The following ADRA1B variants were observed in gnomAD, a reference collection of about 807,000 sequenced individuals.
ADRA1B encodes the protein alpha-1B adrenergic receptor.
A neutral mutation model predicts 17.9 loss-of-function variants in ADRA1B; 17 were observed. The ratio of observed to expected loss-of-function variants is 0.95; its 90% CI spans 0.65 to 1.42. ADRA1B has a LOEUF of 1.42. ADRA1B is among the 40% of genes most tolerant of loss of function. The probability of loss-of-function intolerance (pLI) is 0.00; values close to 1 mark genes in which losing one functional copy is unlikely to be tolerated. For synonymous variants in ADRA1B, 366 were observed against 327.6 expected, an observed-to-expected ratio of 1.12 and a Z score of -1.27; for missense variants, 681 against 722.1, an observed-to-expected ratio of 0.94 and a Z score of 0.65.
At chr5:159,874,888 A>T (rs889500403) in intron 1 of ADRA1B, among the ~76,000 whole-genome samples, 2 of 152,212 alleles carry the variant, frequency 1.3e-5, no homozygotes, top group African/African-American at 4.8e-5. Context: ...CGAAAAGGGT[A>T]TGTCCTTGTA....
intron 1 of ADRA1B, among the ~76,000 whole-genome samples, chr5:159,884,430 G>C (rs2113093673): frequency 6.6e-6 from 1 of 152,306 alleles, no homozygotes; most frequent in Admixed American, 6.5e-5. Context: ...ATAATTGGAT[G>C]AGTTTGTCCC....
At chr5:159,874,189 A>G (rs1215861328) in intron 1 of ADRA1B, among the ~76,000 whole-genome samples, 3 of 152,182 alleles carry the variant, frequency 2.0e-5, no homozygotes, top group South Asian at 2.1e-4. Context: ...TTCTAATACC[A>G]GCCCCTAGAG....
downstream of ADRA1B, among the ~76,000 whole-genome samples, chr5:159,976,632 G>A (rs1050692473): frequency 1.1e-4 from 16 of 147,458 alleles, no homozygotes; most frequent in African/African-American, 3.8e-4. Flanking sequence ...CTCCCAGAAC[G>A]AGTTATCTCA....
intron 1 of ADRA1B, among the ~76,000 whole-genome samples, chr5:159,968,367 T>C (rs1469776794): frequency 6.6e-6 from 1 of 152,244 alleles, no homozygotes; most frequent in East Asian, 1.9e-4. Context: ...GATATTTTTG[T>C]AACCTTTAAA....
intron 1 of ADRA1B, among the ~76,000 whole-genome samples, chr5:159,904,107 G>A (rs1450993033): frequency 1.3e-5 from 2 of 152,130 alleles, no homozygotes; most frequent in East Asian, 3.8e-4. Context: ...TTTGCAATGA[G>A]CACAATTTAC....
At chr5:159,937,653 T>C (rs950260331) in intron 1 of ADRA1B, 19 of 152,282 alleles carry the variant, frequency 1.2e-4, no homozygotes, top group African/African-American at 4.6e-4. Context: ...TCTCACCGTG[T>C]TGGCCAAGCT....
intron 1 of ADRA1B, among the ~76,000 whole-genome samples, chr5:159,928,682 C>T (rs753470015): frequency 6.6e-6 from 1 of 152,132 alleles, no homozygotes; most frequent in Non-Finnish European, 1.5e-5. Flanking sequence ...AGTTTCCTGC[C>T]AGGCTAATGT....
chr5:159,894,164 C>T (rs933669353), intron 1 of ADRA1B, among the ~76,000 whole-genome samples: 2 of 152,230 alleles, frequency 1.3e-5, no homozygotes, highest in East Asian at 3.8e-4. Flanking sequence ...CATTCAGTGC[C>T]TTCCTTCACA....
intron 1 of ADRA1B, among the ~76,000 whole-genome samples, chr5:159,939,314 T>TGCGC (rs1368884259): frequency 1.6e-5 from 2 of 127,012 alleles, no homozygotes; most frequent in Admixed American, 1.6e-4. Context: ...TGTGTGTGTG[T>TGCGC]GTGTGTGTGC....
intron 1 of ADRA1B, among the ~76,000 whole-genome samples, chr5:159,903,058 G>T (rs1212899479): frequency 3.3e-5 from 5 of 152,296 alleles, no homozygotes; most frequent in East Asian, 3.9e-4. Flanking sequence ...CAGGAAGGGG[G>T]ACTCTGCAGA....
the ADRA1B span, among the ~76,000 whole-genome samples, chr5:159,986,594 A>G: frequency 1.3e-5 from 2 of 152,146 alleles, no homozygotes; most frequent in African/African-American, 2.4e-5. Flanking sequence ...GAGCTGATTA[A>G]AAATACCGAC....
intron 1 of ADRA1B, among the ~76,000 whole-genome samples, chr5:159,903,990 G>A (rs554998312): frequency 6.6e-6 from 1 of 152,244 alleles, no homozygotes; most frequent in Non-Finnish European, 1.5e-5. Context: ...ATGTATGCGT[G>A]TGTGTGTGTA....
At chr5:159,974,289 T>C (rs1336200967), downstream of ADRA1B, among the ~76,000 whole-genome samples, 1 of 152,070 alleles carries the variant, frequency 6.6e-6, no homozygotes, top group African/African-American at 2.4e-5. Flanking sequence ...CAACTTGATA[T>C]CCCCAAAAGG....
chr5:159,911,594 G>A (rs1581027705), upstream of ADRA1B, among the ~76,000 whole-genome samples: 2 of 152,180 alleles, frequency 1.3e-5, no homozygotes, highest in East Asian at 3.8e-4. Flanking sequence ...ATGACTGGCA[G>A]TTCTGGGTTG....
chr5:159,867,141 AT>A (rs2113060900), intron 1 of ADRA1B: 1 of 152,332 alleles, frequency 6.6e-6, no homozygotes, highest in East Asian at 1.9e-4. Context: ...ACGTTACCAA[AT>A]GTCAAACAGT....
intron 1 of ADRA1B, among the ~76,000 whole-genome samples, chr5:159,872,000 T>G (rs557734611): frequency 1.3e-5 from 2 of 152,296 alleles, no homozygotes; most frequent in African/African-American, 4.8e-5. Context: ...TGCAGGACAA[T>G]AAGCTTTGAT....
At chr5:159,936,970 AG>A (rs1477567998) in intron 1 of ADRA1B, among the ~76,000 whole-genome samples, 1 of 152,212 alleles carries the variant, frequency 6.6e-6, no homozygotes, top group Admixed American at 6.5e-5. Context: ...TCAGCGCAGC[AG>A]CATTGACATC....
chr5:159,957,929 C>CAAAAAAAAAAAAAAAAAAAAAAAAAAAAA (rs35956137), intron 1 of ADRA1B, among the ~76,000 whole-genome samples: 1 of 66,850 alleles, frequency 1.5e-5, no homozygotes, highest in Non-Finnish European at 2.7e-5. Flanking sequence ...AACCCCATCT[C>CAAAAAAAAAAAAAAAAAAAAAAAAAAAAA]AAAAAAAAAA....
At chr5:159,939,292 T>A (rs1490002259) in intron 1 of ADRA1B, among the ~76,000 whole-genome samples, 4,191 of 135,834 alleles carry the variant, frequency 0.031, 204 homozygotes, top group African/African-American at 0.11. Flanking sequence ...TGTGTGTGTG[T>A]GTGTGTGTGT....
Sources: allele counts gnomAD v4.1 joint callset (sites outside exome capture counted in the v4.1 genomes callset), GRCh38; gene constraint gnomAD v4.1.1; transcripts MANE v1.5; gene names NCBI Gene and HGNC (gene_info 2026-07-23, HGNC 2026-07-21).